EXD3: variants seen among roughly 807,000 people sequenced by gnomAD.
EXD3 encodes exonuclease mut-7 homolog.
In EXD3, 92 loss-of-function variants were observed where a neutral mutation model predicts 98.0. That is an observed-to-expected ratio of 0.94 (90% CI 0.79 to 1.12). The LOEUF (loss-of-function observed/expected upper bound fraction) is 1.12, where lower values mean the gene tolerates loss of function less well. Among genes scored for constraint, EXD3 ranks in the 50% most tolerant of loss-of-function variants. EXD3 has a pLI of 0.00. For missense variants in EXD3, 1,222 were observed against 1,191.6 expected, an observed-to-expected ratio of 1.03 and a Z score of -0.38; for synonymous variants, 569 against 526.0, an observed-to-expected ratio of 1.08 and a Z score of -1.12.
In EXD3 at chr9:137,349,390, C is replaced by T. The variant is rs750745784; in HGVS notation, c.1636G>A (p.Glu546Lys). 14 of 1,591,794 alleles carry T rather than the reference C, an allele frequency of 8.8e-6. No individual in the cohort carries two copies. The highest frequency in any genetic ancestry group is 6.7e-5 in the East Asian group (3 of 44,472). Residue 546 changes from glutamate (E) to lysine (K), a missense_variant, in exon 15 of 22, where the codon GAG (glutamate) becomes AAG (lysine). By Grantham distance (56) the Glu-to-Lys change is moderately conservative. Coordinates refer to ENST00000340951, the MANE Select transcript of EXD3 (RefSeq NM_017820.5). The surrounding 1 kb of genome is among the most constrained non-coding windows in gnomAD (Gnocchi z 7.4). ...LSNWDRRPLC[E>K]EQVIYAAADA... is the part of the protein sequence containing the mutation. ...ACACCTGCGTAGATGACCTGCTCCT[C>T]GCAGAGCGGCCTCCGGTCCCAGTTG... is the stretch of plus-strand genomic sequence containing the variant.
Position 137,356,280 on chromosome 9 carries a change from C to G in EXD3, c.745G>C (p.Gly249Arg). The stretch of plus-strand genomic sequence containing the variant: ...GGGCTGGACTCACCTGGGGCTACGC[C>G]GTACCGCTCCTGCAGACGCAAGACC... ...RQVLRLQERYGVAPALCPNAA... is the reference protein window; with the variant it reads ...RQVLRLQERYRVAPALCPNAA... The change falls in exon 8 of 22, where the codon GGC (glycine) becomes CGC (arginine). Residue 249 changes from glycine to arginine, a missense_variant. By Grantham distance (125) the Gly-to-Arg change is moderately radical. Coordinates refer to ENST00000340951, the MANE Select transcript of EXD3 (RefSeq NM_017820.5). The G allele has an allele frequency of 1.2e-6, 2 of 1,600,724 alleles. No homozygotes were observed. The highest frequency in any genetic ancestry group is 1.7e-6 in the Non-Finnish European group (2 of 1,174,716).
Position 137,370,948 on chromosome 9 carries a change from G to C in EXD3, c.462+1957C>G, listed in dbSNP as rs560607869. ...ATGAAATATCGCAGCACATTGAGTCGTGAGTCCCAGCTAATCCGAGCGGAC... is the reference window on the plus strand; with the variant it reads ...ATGAAATATCGCAGCACATTGAGTCCTGAGTCCCAGCTAATCCGAGCGGAC... On this transcript the variant is annotated intron_variant, in intron 5 of 21. Coordinates refer to ENST00000340951, the MANE Select transcript of EXD3 (RefSeq NM_017820.5). 2.2e-4 allele frequency among the ~76,000 whole-genome samples: 34 copies of C among 152,308 alleles called. 1 individual carries two copies. In the South Asian group the frequency reaches 3.1e-3, roughly 14 times the overall value.
Position 137,307,212 on chromosome 9 carries a change from C to T in EXD3, c.2369G>A (p.Arg790His), listed in dbSNP as rs776734872. The T allele has an allele frequency of 4.5e-5, 70 of 1,572,864 alleles. No individual in the cohort carries two copies. The highest frequency in any genetic ancestry group is 5.6e-5 in the Non-Finnish European group (65 of 1,159,180). Residue 790 changes from arginine to histidine, a missense_variant, in exon 22 of 22, where the codon CGC becomes CAC. Transcript: ENST00000340951. ...CCGCAGGTCAGCCATCTGCAGCCAG[C>T]GGCAGGGGCGGTCATAGGTGCAGCC... ...PEGCTYDRPC[R>H]WLQMADLRAE...
chr9:137,353,962 C>T, intron 10 of EXD3: 1 of 1,075,846 alleles, frequency 9.3e-7, no homozygotes, highest in Non-Finnish European at 1.1e-6. Context: ...CGGCTCTGCG[C>T]TGGCACCGGG....
intron 1 of EXD3, among the ~76,000 whole-genome samples, chr9:137,399,090 C>T (rs568239946): frequency 8.6e-4 from 131 of 152,382 alleles, no homozygotes; most frequent in African/African-American, 3.0e-3. Flanking sequence ...CCATGACACA[C>T]GCACACTGCA....
Position 137,395,175 on chromosome 9 carries a change from C to G in EXD3, c.55+128G>C. ...AAGCCGTGGACACTGTAGAGAGGCC[C>G]GCAGCTAGGGGCCAGCAGCCTGGCC... On this transcript the variant is annotated intron_variant, in intron 2 of 21. Transcript: ENST00000340951. This position sits in a 1 kb window ranked among gnomAD's most constrained non-coding sequence, Gnocchi z 6.5. 1.2e-6 allele frequency: 1 copy of G among 851,668 alleles called. No homozygotes were observed. Among genetic ancestry groups the G allele is most frequent in the East Asian group, 2.5e-5 (1 of 39,516 alleles). The allele number at this position is 851,668 out of a possible 1,614,324, so 52.8% of individuals were successfully genotyped here.
chr9:137,398,741 C>T (rs1306049334), intron 1 of EXD3, among the ~76,000 whole-genome samples: 4 of 144,492 alleles, frequency 2.8e-5, no homozygotes, highest in African/African-American at 1.0e-4. Flanking sequence ...CACAGGCACC[C>T]GCGTCCCCGA....
In EXD3 at chr9:137,390,297, C is replaced by T. The variant is rs1157900386; in HGVS notation, c.55+5006G>A. 5.0e-3 allele frequency among the ~76,000 whole-genome samples: 727 copies of T among 145,270 alleles called. 12 individuals are homozygous for T. The highest frequency in any genetic ancestry group is 0.017 in the African/African-American group (674 of 38,736). ...AATACAAAAAATTAGCCGGGAGTGG[C>T]GGCGGGCACCTGTAGTCCCAGCTAC... On this transcript the variant is annotated intron_variant, in intron 2 of 21. Coordinates refer to ENST00000340951, the MANE Select transcript of EXD3 (RefSeq NM_017820.5).
At chr9:137,317,395 C>T (rs1304201761) in intron 19 of EXD3, among the ~76,000 whole-genome samples, 1 of 152,066 alleles carries the variant, frequency 6.6e-6, no homozygotes, top group Non-Finnish European at 1.5e-5. Flanking sequence ...CTGAGTGGAG[C>T]CAGGCCCCGG....
rs1009589251 is a variant in EXD3 at position 137,324,313 on chromosome 9, G to A, written c.1999-170C>T. Among the ~76,000 whole-genome samples, 3 of 152,170 alleles carry A rather than the reference G, an allele frequency of 2.0e-5. No individual in the cohort carries two copies. Among genetic ancestry groups the A allele is most frequent in the South Asian group, 2.1e-4 (1 of 4,830 alleles). On this transcript the variant is annotated intron_variant, in intron 17 of 21. Transcript: ENST00000340951. The surrounding 1 kb of genome is among the most constrained non-coding windows in gnomAD (Gnocchi z 4.1). ...CTTGGGTGGTGAGGAGCCCTCTGCCGGGTCCTGGGTGTCGCCTCATTGTAT... is the reference window on the plus strand; with the variant it reads ...CTTGGGTGGTGAGGAGCCCTCTGCCAGGTCCTGGGTGTCGCCTCATTGTAT...
Position 137,332,137 on chromosome 9 carries a change from C to T in EXD3, c.1999-7994G>A, listed in dbSNP as rs75047683. Among the ~76,000 whole-genome samples the T allele has an allele frequency of 9.0e-3, 1,370 of 152,126 alleles. 12 individuals are homozygous for T. The highest frequency in any genetic ancestry group is 0.031 in the African/African-American group (1,295 of 41,490). On this transcript the variant is annotated intron_variant, in intron 17 of 21. Transcript: ENST00000340951. ...TCCCATGGTCATGAATTGGAGGAAT[C>T]GATATTGTGAAATAACCAAACTGCC... is the stretch of plus-strand genomic sequence containing the variant.
At chr9:137,332,526 C>G (rs1450525491) in intron 17 of EXD3, among the ~76,000 whole-genome samples, 1 of 148,142 alleles carries the variant, frequency 6.8e-6, no homozygotes, top group East Asian at 2.0e-4. Context: ...GGCGGAGGTT[C>G]CAGTGAGCCG....
chr9:137,312,084 T>C lies in EXD3; in HGVS notation c.2185-2384A>G, dbSNP rs113128770. 7.2e-4 allele frequency among the ~76,000 whole-genome samples: 110 copies of C among 152,268 alleles called. 1 individual carries two copies. In the Middle Eastern group the frequency reaches 0.014, roughly 19 times the overall value. On this transcript the variant is annotated intron_variant, in intron 19 of 21. Coordinates refer to ENST00000340951, the MANE Select transcript of EXD3 (RefSeq NM_017820.5). Reference sequence around the variant, plus strand: ...ATGCCAGGGTTCTCACGCCGCCTCCTTCCATCAGTGTGGGACGCACAGACA... The same window carrying C: ...ATGCCAGGGTTCTCACGCCGCCTCCCTCCATCAGTGTGGGACGCACAGACA...
At chr9:137,354,402 G>A (rs372716494) in intron 9 of EXD3, 25 bp from the exon 10 acceptor site, 35 of 1,612,100 alleles carry the variant, frequency 2.2e-5, no homozygotes, top group African/African-American at 1.7e-4. Flanking sequence ...AGGAAGGGGC[G>A]GTTGCCAGGC....
At chr9:137,327,116 A>G (rs78537366) in intron 17 of EXD3, among the ~76,000 whole-genome samples, 3,062 of 151,586 alleles carry the variant, frequency 0.02, 104 homozygotes, top group East Asian at 0.15. Context: ...GGGAGGGGAG[A>G]TAACTATTGG....
At chr9:137,417,839 C>A (rs1366964380) in intron 1 of EXD3, among the ~76,000 whole-genome samples, 2 of 152,080 alleles carry the variant, frequency 1.3e-5, no homozygotes, top group Admixed American at 6.5e-5. Flanking sequence ...GCGGGGGAGG[C>A]CGGGCCGTCA....
In EXD3 at chr9:137,385,297, G is replaced by A. The variant is rs905627418; in HGVS notation, c.56-1920C>T. Among the ~76,000 whole-genome samples, 16 of 152,268 alleles carry A rather than the reference G, an allele frequency of 1.1e-4. No individual in the cohort carries two copies. Among genetic ancestry groups the A allele is most frequent in the Admixed American group, 7.8e-4 (12 of 15,306 alleles). On this transcript the variant is annotated intron_variant, in intron 2 of 21. Coordinates refer to ENST00000340951, the MANE Select transcript of EXD3 (RefSeq NM_017820.5). The surrounding 1 kb of genome is among the most constrained non-coding windows in gnomAD (Gnocchi z 4.4). ...AGGACGGAGCAAGTGCATCAGCCCCGGGACGATGCCCAGGTGGGGAGGACG... is the reference window on the plus strand; with the variant it reads ...AGGACGGAGCAAGTGCATCAGCCCCAGGACGATGCCCAGGTGGGGAGGACG...
intron 17 of EXD3, among the ~76,000 whole-genome samples, chr9:137,346,867 G>A (rs1315036744): frequency 6.6e-6 from 1 of 152,148 alleles, no homozygotes; most frequent in African/African-American, 2.4e-5. Context: ...AGGCTGGAGT[G>A]CAGTGGTGCG....
Position 137,333,233 on chromosome 9 carries a change from C to T in EXD3, c.1999-9090G>A, listed in dbSNP as rs73581511. On this transcript the variant is annotated intron_variant, in intron 17 of 21. Coordinates refer to ENST00000340951, the MANE Select transcript of EXD3 (RefSeq NM_017820.5). ...TTGCCAGGGGCTCTCGGGCCTTTGG[C>T]GGCAGACTGAAGGCTGCACTGCCAG... Among the ~76,000 whole-genome samples the T allele has an allele frequency of 3.9e-5, 6 of 152,076 alleles. No individual in the cohort carries two copies. The East Asian group carries it at 9.6e-4, about 24-fold the overall frequency.
Sources: gnomAD v4.1 joint callset for allele counts (sites outside exome capture counted in the v4.1 genomes callset) on GRCh38, gnomAD v4.1.1 for gene constraint, Gnocchi (gnomAD v3.1) non-coding constraint, MANE v1.5 for transcripts, NCBI Gene and HGNC (gene_info 2026-07-23, HGNC 2026-07-21) for gene names.